CNTNAP2: variants seen among roughly 807,000 people sequenced by gnomAD.
CNTNAP2 encodes contactin-associated protein-like 2.
CNTNAP2 carries 98 observed loss-of-function variants against 155.2 expected under a neutral mutation model. The observed-to-expected ratio is 0.63, with a 90% confidence interval of 0.54 to 0.75. CNTNAP2 has a LOEUF of 0.75. Ranked by LOEUF, CNTNAP2 falls within the 30% of genes least tolerant of loss-of-function variation. The probability of loss-of-function intolerance (pLI) is 0.00; values close to 1 mark genes in which losing one functional copy is unlikely to be tolerated. For missense variants in CNTNAP2, 1,727 were observed against 1,688.1 expected (o/e 1.02, Z -0.40); for synonymous variants, 651 against 631.2 (o/e 1.03, Z -0.47).
At chr7:148,408,261 G>A (rs1371686991) in intron 22 of CNTNAP2, among the ~76,000 whole-genome samples, 4 of 151,286 alleles carry the variant, frequency 2.6e-5, no homozygotes, top group East Asian at 3.9e-4. Context: ...CACTGCCCCC[G>A]CCCCACACAC....
intron 19 of CNTNAP2, among the ~76,000 whole-genome samples, chr7:148,227,697 C>T (rs1795878120): frequency 6.6e-6 from 1 of 152,142 alleles, no homozygotes; most frequent in Non-Finnish European, 1.5e-5. Flanking sequence ...GTTGAAATGC[C>T]AGGGGCAAAG....
intron 4 of CNTNAP2, among the ~76,000 whole-genome samples, chr7:147,078,843 A>G (rs1800051090): frequency 6.6e-6 from 1 of 151,740 alleles, no homozygotes; most frequent in South Asian, 2.1e-4. Context: ...TCTGCCTCCC[A>G]GATTCAAGCA....
At chr7:146,534,568 G>A (rs961246966) in intron 1 of CNTNAP2, among the ~76,000 whole-genome samples, 5 of 152,070 alleles carry the variant, frequency 3.3e-5, no homozygotes, top group African/African-American at 9.7e-5. Context: ...TGAACTGTAT[G>A]CTCAGTAATC....
rs546784367 is a variant in CNTNAP2 at position 148,310,359 on chromosome 7, G to T, written c.3475+43233G>T. 3.3e-5 allele frequency among the ~76,000 whole-genome samples: 5 copies of T among 152,334 alleles called. No individual in the cohort carries two copies. In the South Asian group the frequency reaches 1.0e-3, roughly 32 times the overall value. On this transcript the variant is annotated intron_variant, in intron 21 of 23. Coordinates refer to ENST00000361727, the MANE Select transcript of CNTNAP2 (RefSeq NM_014141.6). ...CAGTGAGTAAGTCAAGGCCTCAGCG[G>T]TTTTGGAGGACAACTGCAGCTAAAG...
At chr7:146,694,559 A>G (rs369305873) in intron 1 of CNTNAP2, among the ~76,000 whole-genome samples, 3 of 152,244 alleles carry the variant, frequency 2.0e-5, no homozygotes, top group Non-Finnish European at 2.9e-5. Flanking sequence ...CTCATCCTTC[A>G]GTATTGTTTG....
At chr7:147,873,182 A>G (rs1799358124) in intron 13 of CNTNAP2, among the ~76,000 whole-genome samples, 1 of 152,216 alleles carries the variant, frequency 6.6e-6, no homozygotes, top group South Asian at 2.1e-4. Flanking sequence ...TGGACTCCTT[A>G]CCACTAAGGA....
At position 147,132,249 on chromosome 7, in the gene CNTNAP2, A is replaced by C; in HGVS notation, c.1088A>C (p.Asn363Thr). 6.2e-7 allele frequency: 1 copy of C among 1,613,574 alleles called. No homozygotes were observed. Among genetic ancestry groups the C allele is most frequent in the Non-Finnish European group, 8.5e-7 (1 of 1,179,680 alleles). ...GCCTGTCTTTCTATTTTACAGGGAA[A>C]TTTGAGCTTTTCTTGTGTGGAACCC... is the stretch of plus-strand genomic sequence containing the variant. ...RKKLEPSNVG[N>T]LSFSCVEPYT... Residue 363 changes from asparagine to threonine, a missense_variant, in exon 8 of 24, where the codon AAT becomes ACT. Asn to Thr is a moderately conservative substitution (Grantham distance 65, BLOSUM62 0). Transcript: ENST00000361727.
At chr7:147,734,773 A>G (rs147083478) in intron 13 of CNTNAP2, among the ~76,000 whole-genome samples, 6,192 of 152,188 alleles carry the variant, frequency 0.041, 216 homozygotes, top group Admixed American at 0.11. Flanking sequence ...GAATTTATCC[A>G]TGTCTTCTGG....
intron 15 of CNTNAP2, among the ~76,000 whole-genome samples, chr7:148,079,146 A>G (rs768828207): frequency 3.3e-5 from 5 of 152,214 alleles, no homozygotes; most frequent in Non-Finnish European, 5.9e-5. Context: ...CTTCTGAGCC[A>G]AATATGAGTG....
intron 8 of CNTNAP2, among the ~76,000 whole-genome samples, chr7:147,217,671 A>G (rs1803304488): frequency 1.3e-5 from 2 of 152,044 alleles, no homozygotes; most frequent in Non-Finnish European, 2.9e-5. Flanking sequence ...AGAATGAGGT[A>G]GAAAGTTTTT....
chr7:147,868,478 C>A lies in CNTNAP2; in HGVS notation c.2099-35087C>A, dbSNP rs930251509. ...CCATTCTCAGAGCTCAAACACTGTG[C>A]TGGGAGAACCACTGCTCTCTTCAGA... On this transcript the variant is annotated intron_variant, in intron 13 of 23. Transcript: ENST00000361727. 3.3e-5 allele frequency among the ~76,000 whole-genome samples: 5 copies of A among 152,206 alleles called. No homozygotes were observed. The South Asian group carries it at 6.2e-4, about 19-fold the overall frequency.
At chr7:146,604,639 G>A (rs1799011562) in intron 1 of CNTNAP2, among the ~76,000 whole-genome samples, 2 of 127,368 alleles carry the variant, frequency 1.6e-5, no homozygotes, top group African/African-American at 6.0e-5. Context: ...GTTTATTGTG[G>A]CATTATTCAC....
At chr7:146,330,066 A>G (rs1339720701) in intron 1 of CNTNAP2, among the ~76,000 whole-genome samples, 2 of 108,856 alleles carry the variant, frequency 1.8e-5, no homozygotes, top group African/African-American at 8.1e-5. Context: ...CTTGTTGCCC[A>G]GGCTGGAGTG....
Position 146,355,592 on chromosome 7 carries a change from G to T in CNTNAP2, c.97+238619G>T, listed in dbSNP as rs572592016. 9.9e-5 allele frequency among the ~76,000 whole-genome samples: 15 copies of T among 152,226 alleles called. No individual in the cohort carries two copies. In the East Asian group the frequency reaches 2.9e-3, roughly 30 times the overall value. ...AATTTATAAAGCTCATGCAGATGAT[G>T]GTTAGAGATTCCATAAGAAAATAAT... is the stretch of plus-strand genomic sequence containing the variant. On this transcript the variant is annotated intron_variant, in intron 1 of 23. Coordinates refer to ENST00000361727, the MANE Select transcript of CNTNAP2 (RefSeq NM_014141.6).
chr7:146,309,276 C>T lies in CNTNAP2; in HGVS notation c.97+192303C>T, dbSNP rs577921497. On this transcript the variant is annotated intron_variant, in intron 1 of 23. Coordinates refer to ENST00000361727, the MANE Select transcript of CNTNAP2 (RefSeq NM_014141.6). Reference sequence around the variant, plus strand: ...GAACGTGTGATTTGTTTTAACGGTGCTCTCGGGCTGCCATATGTGTTTATG... The same window carrying T: ...GAACGTGTGATTTGTTTTAACGGTGTTCTCGGGCTGCCATATGTGTTTATG... Among the ~76,000 whole-genome samples, 35 of 152,172 alleles carry T rather than the reference C, an allele frequency of 2.3e-4. No individual in the cohort carries two copies. In the South Asian group the frequency reaches 6.4e-3, roughly 28 times the overall value.
chr7:146,955,484 T>A (rs571716299), intron 3 of CNTNAP2, among the ~76,000 whole-genome samples: 33 of 152,088 alleles, frequency 2.2e-4, no homozygotes, highest in African/African-American at 7.9e-4. Flanking sequence ...AGAAAACCAC[T>A]TTTGTATAAA....
At chr7:147,305,622 A>G (rs1286155381) in intron 9 of CNTNAP2, among the ~76,000 whole-genome samples, 1 of 152,244 alleles carries the variant, frequency 6.6e-6, no homozygotes, top group Non-Finnish European at 1.5e-5. Flanking sequence ...AAAGAAAAAT[A>G]ATGGAATGAG....
At chr7:147,646,140 G>T (rs1050121511) in intron 13 of CNTNAP2, among the ~76,000 whole-genome samples, 6 of 152,104 alleles carry the variant, frequency 3.9e-5, no homozygotes, top group African/African-American at 1.4e-4. Context: ...TGTTGTTGTT[G>T]TTGCTGTTAT....
chr7:146,705,071 C>G (rs963072316), intron 1 of CNTNAP2, among the ~76,000 whole-genome samples: 2 of 152,030 alleles, frequency 1.3e-5, no homozygotes, highest in African/African-American at 4.8e-5. Flanking sequence ...CACCCTTGTC[C>G]CCTAGGTCAT....
Sources: gnomAD v4.1 joint callset for allele counts (sites outside exome capture counted in the v4.1 genomes callset) on GRCh38, gnomAD v4.1.1 for gene constraint, MANE v1.5 for transcripts, NCBI Gene and HGNC (gene_info 2026-07-23, HGNC 2026-07-21) for gene names.